RABGEF1: variants seen among roughly 807,000 people sequenced by gnomAD.
RABGEF1 encodes the protein RAB guanine nucleotide exchange factor 1, also known as rab5 GDP/GTP exchange factor.
RABGEF1 carries 26 observed loss-of-function variants against 57.3 expected under a neutral mutation model. That is an observed-to-expected ratio of 0.45 (90% CI 0.33 to 0.63). RABGEF1 has a LOEUF of 0.63. RABGEF1 is among the 20% of genes least tolerant of loss of function. The pLI is 0.02. For synonymous variants in RABGEF1, 185 were observed against 210.7 expected, an observed-to-expected ratio of 0.88 and a Z score of 1.06; for missense variants, 464 against 607.6, an observed-to-expected ratio of 0.76 and a Z score of 2.48.
chr7:66,664,081 A>C, the RABGEF1 span, among the ~76,000 whole-genome samples: 5 of 150,014 alleles, frequency 3.3e-5, no homozygotes, highest in Non-Finnish European at 7.4e-5. Flanking sequence ...CAAAAAGAAA[A>C]AAAAAAAAAA....
the RABGEF1 span, among the ~76,000 whole-genome samples, chr7:66,664,113 CA>C: frequency 7.1e-4 from 107 of 150,254 alleles, 1 homozygote; most frequent in African/African-American, 2.6e-3. Context: ...TGAAATGCTG[CA>C]GCAGTTTTGA....
chr7:66,800,447 A>G (rs1301868059), intron 7 of RABGEF1, among the ~76,000 whole-genome samples: 1 of 152,182 alleles, frequency 6.6e-6, no homozygotes, highest in Non-Finnish European at 1.5e-5. Context: ...CCTGTTGTTA[A>G]GTAAATTACT....
At chr7:66,761,995 A>C (rs1283852091) in intron 1 of RABGEF1, among the ~76,000 whole-genome samples, 1 of 152,108 alleles carries the variant, frequency 6.6e-6, no homozygotes, top group African/African-American at 2.4e-5. Flanking sequence ...CGAAGGTTGC[A>C]GTGAGCTGAG....
chr7:66,677,741 G>T (rs529194848), upstream of RABGEF1, among the ~76,000 whole-genome samples: 1 of 131,508 alleles, frequency 7.6e-6, no homozygotes, highest in African/African-American at 2.9e-5. Flanking sequence ...CAGCCTGGGT[G>T]ACAAAGCAAG....
intron 2 of RABGEF1, among the ~76,000 whole-genome samples, chr7:66,726,596 G>C (rs889320073): frequency 2.0e-5 from 3 of 152,084 alleles, no homozygotes; most frequent in African/African-American, 7.2e-5. Context: ...ACTCCTGTTG[G>C]GCTCAAGTAA....
chr7:66,707,187 A>G (rs1182112686), intron 1 of RABGEF1, among the ~76,000 whole-genome samples: 3 of 152,366 alleles, frequency 2.0e-5, no homozygotes, highest in African/African-American at 7.2e-5. Flanking sequence ...TGTGGTCAGA[A>G]AACGTATTTT....
chr7:66,808,629 TCAGA>T (rs1788999117), intron 8 of RABGEF1, among the ~76,000 whole-genome samples: 1 of 152,136 alleles, frequency 6.6e-6, no homozygotes, highest in Non-Finnish European at 1.5e-5. Context: ...CTGGGAAGAC[TCAGA>T]CAGAATGGCT....
chr7:66,782,977 G>C (rs1404712987), intron 3 of RABGEF1, among the ~76,000 whole-genome samples: 5 of 152,112 alleles, frequency 3.3e-5, no homozygotes, highest in African/African-American at 9.7e-5. Context: ...ACATCCTTAT[G>C]TCTCTTGTGT....
At chr7:66,737,058 G>A (rs909441384), upstream of RABGEF1, among the ~76,000 whole-genome samples, 1 of 132,628 alleles carries the variant, frequency 7.5e-6, no homozygotes, top group East Asian at 2.6e-4. Context: ...GGGGGAGAGA[G>A]AGAGAGAGAG....
At chr7:66,678,805 A>AT (rs1789490339), upstream of RABGEF1, among the ~76,000 whole-genome samples, 2 of 152,196 alleles carry the variant, frequency 1.3e-5, no homozygotes, top group African/African-American at 2.4e-5. Flanking sequence ...GACAAAGGAA[A>AT]TTCATAAACA....
chr7:66,705,439 AAGAAAGAGAGAG>A (rs1793880607), intron 1 of RABGEF1, among the ~76,000 whole-genome samples: 1 of 54,976 alleles, frequency 1.8e-5, no homozygotes, highest in African/African-American at 5.7e-5. Flanking sequence ...TCCATCTCGA[AAGAAAGAGAGAG>A]AGAGAGAGAG....
chr7:66,684,938 A>G (rs12666079), intron 1 of RABGEF1, among the ~76,000 whole-genome samples: 32,099 of 151,832 alleles, frequency 0.21, 3,880 homozygotes, highest in East Asian at 0.31. Flanking sequence ...TCTGGCCTAA[A>G]TTTTTTTGTA....
At chr7:66,711,075 A>T (rs1335785647) in intron 1 of RABGEF1, among the ~76,000 whole-genome samples, 1 of 152,316 alleles carries the variant, frequency 6.6e-6, no homozygotes, top group South Asian at 2.1e-4. Flanking sequence ...TGGAAGGATC[A>T]CTTGAGCCCA....
chr7:66,709,860 C>G (rs1794575241), intron 1 of RABGEF1, among the ~76,000 whole-genome samples: 1 of 152,014 alleles, frequency 6.6e-6, no homozygotes, highest in Non-Finnish European at 1.5e-5. Context: ...TCATGTACAC[C>G]TAGGAGGTAA....
intron 1 of RABGEF1, among the ~76,000 whole-genome samples, chr7:66,682,509 G>A (rs1199085557): frequency 2.0e-5 from 3 of 152,198 alleles, no homozygotes; most frequent in East Asian, 3.9e-4. Context: ...TCCAGCGCCC[G>A]GCCGTGCCCC....
intron 4 of RABGEF1, among the ~76,000 whole-genome samples, chr7:66,790,591 A>G (rs1812414504): frequency 6.6e-6 from 1 of 152,230 alleles, no homozygotes; most frequent in Non-Finnish European, 1.5e-5. Flanking sequence ...AGGTGAAGGA[A>G]GCTTAGCTGC....
At chr7:66,683,404 A>G (rs2117028240) in intron 1 of RABGEF1, among the ~76,000 whole-genome samples, 1 of 152,354 alleles carries the variant, frequency 6.6e-6, no homozygotes, top group East Asian at 1.9e-4. Flanking sequence ...ACTGATTCAT[A>G]TCCTCAAGAT....
intron 1 of RABGEF1, chr7:66,768,719 A>G (rs1324723895): frequency 6.6e-6 from 1 of 152,232 alleles, no homozygotes; most frequent in Non-Finnish European, 1.5e-5. Flanking sequence ...CGTCAGATCC[A>G]TGCATATGCA....
chr7:66,760,358 C>CGGTATTCTCTTGTGTGGTCAT (rs1803979464), intron 1 of RABGEF1, among the ~76,000 whole-genome samples: 1 of 151,332 alleles, frequency 6.6e-6, no homozygotes, highest in Admixed American at 6.6e-5. Context: ...TTTTAGTGTT[C>CGGTATTCTCTTGTGTGGTCAT]GGTATTCTCT....
Sources: allele counts gnomAD v4.1 joint callset (sites outside exome capture counted in the v4.1 genomes callset), GRCh38; gene constraint gnomAD v4.1.1; transcripts MANE v1.5; gene names NCBI Gene and HGNC (gene_info 2026-07-23, HGNC 2026-07-21).